Variants in ELAPOR2 observed in about 807,000 individuals in gnomAD.
ELAPOR2 encodes the protein endosome/lysosome-associated apoptosis and autophagy regulator family member 2.
A neutral mutation model predicts 120.7 loss-of-function variants in ELAPOR2; 89 were observed. The ratio of observed to expected loss-of-function variants is 0.74; its 90% CI spans 0.62 to 0.88. The LOEUF is 0.88. Among genes scored for constraint, ELAPOR2 ranks in the 40% least tolerant of loss-of-function variants. The probability of loss-of-function intolerance (pLI) is 0.00; values close to 1 mark genes in which losing one functional copy is unlikely to be tolerated. For missense variants in ELAPOR2, 1,134 were observed against 1,251.6 expected (o/e 0.91, Z 1.42); for synonymous variants, 444 against 444.9 (o/e 1.00, Z 0.03).
At chr7:86,973,278 G>A (rs1425771638) in intron 1 of ELAPOR2, among the ~76,000 whole-genome samples, 3 of 152,132 alleles carry the variant, frequency 2.0e-5, no homozygotes, top group African/African-American at 7.2e-5. Context: ...TCTGCTGCTT[G>A]AAGCTTCATT....
chr7:86,970,753 A>G (rs1331360775), intron 1 of ELAPOR2, among the ~76,000 whole-genome samples: 2 of 152,204 alleles, frequency 1.3e-5, no homozygotes, highest in Non-Finnish European at 2.9e-5. Context: ...AAGGAACATG[A>G]TGTTACCATG....
chr7:86,919,368 T>G, intron 10 of ELAPOR2, 58 bp from the exon 11 acceptor site: 1 of 1,025,322 alleles, frequency 9.8e-7, no homozygotes, highest in South Asian at 1.5e-5. Flanking sequence ...TCTCCAACAA[T>G]CTGTTTAAAT....
intron 1 of ELAPOR2, among the ~76,000 whole-genome samples, chr7:86,989,842 C>A (rs930502154): frequency 4.0e-5 from 6 of 151,326 alleles, no homozygotes; most frequent in Non-Finnish European, 8.8e-5. Flanking sequence ...AATTATAAGT[C>A]CCTAAAATTC....
intron 2 of ELAPOR2, among the ~76,000 whole-genome samples, chr7:86,958,173 T>G (rs1485919155): frequency 6.6e-6 from 1 of 152,164 alleles, no homozygotes; most frequent in Non-Finnish European, 1.5e-5. Context: ...CTTCCTGGTT[T>G]CAAATCTCAG....
At chr7:86,886,503 G>GT (rs1799695854) in intron 21 of ELAPOR2, among the ~76,000 whole-genome samples, 1 of 152,004 alleles carries the variant, frequency 6.6e-6, no homozygotes, top group South Asian at 2.1e-4. Flanking sequence ...ACCCTTTGAG[G>GT]TTTTAGACTC....
intron 19 of ELAPOR2, among the ~76,000 whole-genome samples, chr7:86,894,449 G>A (rs1008504893): frequency 6.6e-6 from 1 of 151,958 alleles, no homozygotes; most frequent in Non-Finnish European, 1.5e-5. Flanking sequence ...AAAAAAGACT[G>A]TACCATCTTT....
intron 21 of ELAPOR2, among the ~76,000 whole-genome samples, chr7:86,887,450 T>C (rs144773736): frequency 6.6e-6 from 1 of 152,270 alleles, no homozygotes; most frequent in African/African-American, 2.4e-5. Context: ...TTTGGGCTAC[T>C]GGTGATGCCT....
At chr7:86,938,679 C>T in intron 7 of ELAPOR2, 129 bp downstream of exon 7, 1 of 833,868 alleles carries the variant, frequency 1.2e-6, no homozygotes, top group Non-Finnish European at 1.9e-6. Context: ...CATTCAACAT[C>T]AATTCACTCC....
chr7:86,889,399 T>C (rs1363325830), intron 21 of ELAPOR2, among the ~76,000 whole-genome samples: 2 of 151,030 alleles, frequency 1.3e-5, no homozygotes, highest in Non-Finnish European at 3.0e-5. Flanking sequence ...AGGGGATACA[T>C]TCCAACTCCC....
At chr7:86,984,651 C>A (rs1442432914) in intron 1 of ELAPOR2, among the ~76,000 whole-genome samples, 3 of 152,142 alleles carry the variant, frequency 2.0e-5, no homozygotes, top group Non-Finnish European at 4.4e-5. Flanking sequence ...AACAAAGACA[C>A]AATGTACCAG....
At chr7:86,983,182 C>T (rs1256680920) in intron 1 of ELAPOR2, among the ~76,000 whole-genome samples, 2 of 152,154 alleles carry the variant, frequency 1.3e-5, no homozygotes, top group African/African-American at 4.8e-5. Context: ...AAATATGGGA[C>T]TATGTGAAAA....
chr7:86,887,248 C>T (rs1164019045), intron 21 of ELAPOR2, among the ~76,000 whole-genome samples: 1 of 152,072 alleles, frequency 6.6e-6, no homozygotes, highest in African/African-American at 2.4e-5. Flanking sequence ...CTAGACAAGA[C>T]AGACTGTCAC....
intron 5 of ELAPOR2, 68 bp from the exon 6 acceptor site, chr7:86,940,183 CA>C: frequency 1.1e-6 from 1 of 888,358 alleles, no homozygotes; most frequent in Non-Finnish European, 1.8e-6. Context: ...TACTCCCTTA[CA>C]TACTTTTTCA....
chr7:86,956,893 C>G (rs1791493920), intron 2 of ELAPOR2, among the ~76,000 whole-genome samples: 1 of 152,154 alleles, frequency 6.6e-6, no homozygotes, highest in Admixed American at 6.5e-5. Context: ...TCTCAACTTT[C>G]AATTATGCCC....
At chr7:87,002,319 A>T (rs1241713623) in intron 1 of ELAPOR2, among the ~76,000 whole-genome samples, 1 of 152,128 alleles carries the variant, frequency 6.6e-6, no homozygotes, top group Non-Finnish European at 1.5e-5. Context: ...GGCTCTGTTG[A>T]GGAGAGCAAG....
chr7:87,028,301 C>T (rs1358798649), intron 1 of ELAPOR2, among the ~76,000 whole-genome samples: 1 of 152,030 alleles, frequency 6.6e-6, no homozygotes, highest in African/African-American at 2.4e-5. Context: ...TAAATAAAAA[C>T]ACCTGTTTCA....
intron 1 of ELAPOR2, among the ~76,000 whole-genome samples, chr7:87,014,480 G>A (rs17161220): frequency 0.016 from 2,424 of 152,182 alleles, 75 homozygotes; most frequent in African/African-American, 0.055. Flanking sequence ...GCTATAATAC[G>A]AAGCAGAATG....
At chr7:86,895,790 C>T (rs185177459) in intron 19 of ELAPOR2, among the ~76,000 whole-genome samples, 2 of 152,106 alleles carry the variant, frequency 1.3e-5, no homozygotes, top group Admixed American at 6.6e-5. Context: ...TTCAAAAACC[C>T]TTGAATTAAA....
chr7:86,916,646 T>C (rs756476063), intron 12 of ELAPOR2, among the ~76,000 whole-genome samples: 8 of 152,164 alleles, frequency 5.3e-5, no homozygotes, highest in Non-Finnish European at 7.4e-5. Flanking sequence ...GAGTTTCTTA[T>C]TCAGTAAGAC....
Sources: allele counts gnomAD v4.1 joint callset (sites outside exome capture counted in the v4.1 genomes callset), GRCh38; gene constraint gnomAD v4.1.1; transcripts MANE v1.5; gene names NCBI Gene and HGNC (gene_info 2026-07-23, HGNC 2026-07-21).